Variants in GTF2A1 observed in about 807,000 individuals in gnomAD.
GTF2A1 encodes the protein transcription initiation factor IIA subunit 1.
GTF2A1 carries 12 observed loss-of-function variants against 54.1 expected under a neutral mutation model. That is an observed-to-expected ratio of 0.22 (90% CI 0.14 to 0.36). The LOEUF is 0.36. Among genes scored for constraint, GTF2A1 ranks in the 10% least tolerant of loss-of-function variants. The probability of loss-of-function intolerance (pLI) is 1.00; values close to 1 mark genes in which losing one functional copy is unlikely to be tolerated. For synonymous variants in GTF2A1, 145 were observed against 152.0 expected, an observed-to-expected ratio of 0.95 and a Z score of 0.34; for missense variants, 335 against 442.2, an observed-to-expected ratio of 0.76 and a Z score of 2.17.
intron 7 of GTF2A1, among the ~76,000 whole-genome samples, chr14:81,186,930 A>G (rs1892760764): frequency 6.6e-6 from 1 of 151,544 alleles, no homozygotes; most frequent in Admixed American, 6.6e-5. Flanking sequence ...CCTGGACAAC[A>G]ACCTGAGACT....
rs1182631733 is a variant in GTF2A1, at chr14:81,186,382, TA to T, written c.934-763del. 9.5e-4 allele frequency among the ~76,000 whole-genome samples: 144 copies of T among 152,024 alleles called. 3 individuals are homozygous for T. Among genetic ancestry groups the T allele is most frequent in the Non-Finnish European group, 4.4e-5 (3 of 68,014 alleles). On this transcript the variant is annotated intron_variant, in intron 7 of 8. Coordinates refer to ENST00000553612, the MANE Select transcript of GTF2A1 (RefSeq NM_015859.4). ...TCTTTACATTAAAGAACTTGGACTC[TA>T]AATACAAATCAGCATGTTTAGCATG...
Position 81,180,054 on chromosome 14 carries a change from G to A in GTF2A1, c.*169C>T. ...CTACAGTTCCATGGCTTGCCAGTAA[G>A]TAGTGTCTATGTTGTCAAGGTCTAT... On this transcript the variant is annotated 3_prime_UTR_variant, in exon 9 of 9. Transcript: ENST00000553612. The A allele has an allele frequency of 6.1e-6, 1 of 163,022 alleles. No homozygotes were observed. Among genetic ancestry groups the A allele is most frequent in the Non-Finnish European group, 1.3e-5 (1 of 78,264 alleles). The allele number at this position is 163,022 out of a possible 1,614,324, so 10.1% of individuals were successfully genotyped here.
chr14:81,212,211 A>G (rs1214882941), intron 2 of GTF2A1, among the ~76,000 whole-genome samples: 1 of 152,170 alleles, frequency 6.6e-6, no homozygotes, highest in African/African-American at 2.4e-5. Context: ...TTAAAAAGAG[A>G]GAAAATGTTT....
At chr14:81,219,291 A>G (rs1484283320) in intron 1 of GTF2A1, among the ~76,000 whole-genome samples, 2 of 152,152 alleles carry the variant, frequency 1.3e-5, no homozygotes, top group African/African-American at 4.8e-5. Context: ...ACCTAGAAAT[A>G]AACTGAGCTC....
chr14:81,205,768 C>T (rs1344599322), intron 2 of GTF2A1, among the ~76,000 whole-genome samples: 4 of 152,178 alleles, frequency 2.6e-5, no homozygotes, highest in South Asian at 4.1e-4. Flanking sequence ...TAATCCCAGG[C>T]GAAAGACAGC....
intron 7 of GTF2A1, among the ~76,000 whole-genome samples, chr14:81,190,235 C>T (rs1308704855): frequency 6.8e-6 from 1 of 146,148 alleles, no homozygotes; most frequent in African/African-American, 2.5e-5. Flanking sequence ...CATGTTTTAA[C>T]AAATATCAAC....
In GTF2A1 at chr14:81,202,563, A is replaced by C. The variant is rs190881942; in HGVS notation, c.338-905T>G. ...GCTATGCTGATCAGGTGTCCAAATA[A>C]GTTCGGCATCAATATGGTGGCCTCC... On this transcript the variant is annotated intron_variant, in intron 3 of 8. Coordinates refer to ENST00000553612, the MANE Select transcript of GTF2A1 (RefSeq NM_015859.4). The C allele has an allele frequency of 3.1e-3, 1,398 of 451,398 alleles. 3 individuals carry two copies. The highest frequency in any genetic ancestry group is 5.1e-3 in the Non-Finnish European group (1,168 of 229,874). The allele number at this position is 451,398 out of a possible 1,614,324, so 28.0% of individuals were successfully genotyped here.
chr14:81,203,009 T>C (rs1215030225), intron 3 of GTF2A1, among the ~76,000 whole-genome samples: 1 of 152,218 alleles, frequency 6.6e-6, no homozygotes, highest in Non-Finnish European at 1.5e-5. Context: ...AACTAAATGA[T>C]ATTAAAATGA....
chr14:81,192,745 A>T lies in GTF2A1; in HGVS notation c.707T>A (p.Ile236Lys). The change falls in exon 7 of 9, where the codon ATA becomes AAA. Residue 236 changes from isoleucine to lysine, a missense_variant. Ile to Lys is a moderately radical substitution (Grantham distance 102). This residue lies in a region of GTF2A1 where 306 missense variants were observed against 360.4 expected (regional missense o/e 0.85). Transcript: ENST00000553612. ...ILFTGNKTQV[I>K]PTTVAAPTPA... is the part of the protein sequence containing the mutation. ...TGTAGGTGCTGCCACTGTCGTAGGT[A>T]TAACTTGAGTCTTATTTCCTGTAAA... 1 of 1,613,632 alleles carries T rather than the reference A, an allele frequency of 6.2e-7. No individual in the cohort carries two copies. The highest frequency in any genetic ancestry group is 8.5e-7 in the Non-Finnish European group (1 of 1,179,492).
In GTF2A1 at chr14:81,178,433, TC is replaced by T. The variant is rs1219822557; in HGVS notation, c.*1789del. On this transcript the variant is annotated 3_prime_UTR_variant, in exon 9 of 9. Coordinates refer to ENST00000553612, the MANE Select transcript of GTF2A1 (RefSeq NM_015859.4). ...TTGAGAGTCACAGAATAAACAAACT[TC>T]CCCTCAAAAAACTAAATTAATATAG... 2 of 151,824 alleles carry T rather than the reference TC, an allele frequency of 1.3e-5. No homozygotes were observed. Among genetic ancestry groups the T allele is most frequent in the Non-Finnish European group, 2.9e-5 (2 of 67,936 alleles). The allele number at this position is 151,824 out of a possible 1,614,324, so 9.4% of individuals were successfully genotyped here. A position where few individuals can be genotyped will look rare whatever the true frequency, so the allele number is the denominator to read the frequency against.
chr14:81,180,550 C>T (rs773991512), intron 8 of GTF2A1, among the ~76,000 whole-genome samples: 9 of 152,086 alleles, frequency 5.9e-5, no homozygotes, highest in Non-Finnish European at 8.8e-5. Context: ...CCTTCTATCT[C>T]AGCCTCCCAA....
chr14:81,208,564 G>A (rs1272255337), intron 2 of GTF2A1, among the ~76,000 whole-genome samples: 1 of 152,196 alleles, frequency 6.6e-6, no homozygotes, highest in Non-Finnish European at 1.5e-5. Flanking sequence ...GAGGGCCACA[G>A]TCCTCTAGAT....
rs752413471 is a variant in GTF2A1 at position 81,192,572 on chromosome 14, C to A, written c.880G>T (p.Asp294Tyr). The change falls in exon 7 of 9, where the codon GAT becomes TAT. Residue 294 changes from aspartate to tyrosine, a missense_variant. Asp to Tyr is a radical substitution (Grantham distance 160, BLOSUM62 -3). Coordinates refer to ENST00000553612, the MANE Select transcript of GTF2A1 (RefSeq NM_015859.4). Reference protein sequence around the residue: ...DEDEEEDYDDDEEEDKEKDGA... With the variant: ...DEDEEEDYDDYEEEDKEKDGA... ...TCTTTCTCTTTGTCTTCCTCCTCAT[C>A]ATCATCATAGTCTTCTTCTTCATCT... The A allele has an allele frequency of 1.4e-5, 23 of 1,613,570 alleles. No homozygotes were observed. The African/African-American group carries it at 2.7e-4, about 19-fold the overall frequency.
At chr14:81,198,977 T>C (rs1298325002) in intron 4 of GTF2A1, among the ~76,000 whole-genome samples, 2 of 152,186 alleles carry the variant, frequency 1.3e-5, no homozygotes, top group Admixed American at 1.3e-4. Flanking sequence ...AATTTAACTA[T>C]AGCCCACCCG....
intron 2 of GTF2A1, among the ~76,000 whole-genome samples, chr14:81,214,573 G>A (rs537699924): frequency 6.6e-6 from 1 of 151,680 alleles, no homozygotes; most frequent in South Asian, 2.1e-4. Flanking sequence ...ATGAACCAGG[G>A]AGGCAAAGCT....
intron 2 of GTF2A1, among the ~76,000 whole-genome samples, chr14:81,208,588 A>C (rs905841718): frequency 6.6e-6 from 1 of 152,100 alleles, no homozygotes; most frequent in Non-Finnish European, 1.5e-5. Context: ...AGAATGGCAG[A>C]CCCACCAACA....
chr14:81,220,181 C>T (rs1470610854), intron 1 of GTF2A1, among the ~76,000 whole-genome samples: 8 of 147,664 alleles, frequency 5.4e-5, no homozygotes, highest in African/African-American at 1.5e-4. Context: ...TCCCGGCGGC[C>T]GGGTTCTGGG....
chr14:81,210,334 A>G (rs1949358497), intron 2 of GTF2A1, among the ~76,000 whole-genome samples: 1 of 152,180 alleles, frequency 6.6e-6, no homozygotes, highest in Admixed American at 6.5e-5. Context: ...ATTTTCACAC[A>G]ATCTTAATTT....
At chr14:81,206,480 G>A (rs752342808) in intron 2 of GTF2A1, among the ~76,000 whole-genome samples, 6 of 152,184 alleles carry the variant, frequency 3.9e-5, no homozygotes, top group Non-Finnish European at 8.8e-5. Flanking sequence ...GAACAAACCT[G>A]AGAAAAATGC....
Sources: allele counts gnomAD v4.1 joint callset (sites outside exome capture counted in the v4.1 genomes callset), GRCh38; gene constraint gnomAD v4.1.1; regional missense constraint gnomAD v4.1.1; transcripts MANE v1.5; gene names NCBI Gene and HGNC (gene_info 2026-07-23, HGNC 2026-07-21).